The following NPY2R variants were observed in gnomAD, a reference collection of about 807,000 sequenced individuals.
The protein encoded by NPY2R is neuropeptide Y receptor type 2.
In NPY2R, 17 loss-of-function variants were observed where a neutral mutation model predicts 22.3. The ratio of observed to expected loss-of-function variants is 0.76; its 90% confidence interval spans 0.52 to 1.14. The LOEUF is 1.14. Among genes scored for constraint, NPY2R ranks in the 50% most tolerant of loss-of-function variants. The pLI, the probability that NPY2R is intolerant of heterozygous loss-of-function variation, is 0.00. For synonymous variants in NPY2R, 209 were observed against 183.4 expected (o/e 1.14, Z -1.13); for missense variants, 424 against 467.9 (o/e 0.91, Z 0.87).
chr4:155,197,397 C>T, the NPY2R span, among the ~76,000 whole-genome samples: 1 of 151,660 alleles, frequency 6.6e-6, no homozygotes, highest in African/African-American at 2.4e-5. Context: ...CTCTACTTTT[C>T]CTTATGTGCC....
Position 155,212,494 on chromosome 4 carries a change from C to T in NPY2R, c.-48-1398C>T, listed in dbSNP as rs555996450. On this transcript the variant is annotated intron_variant, in intron 1 of 1. Coordinates refer to ENST00000329476, the MANE Select transcript of NPY2R (RefSeq NM_000910.4). ...GTACTATCCTCTTGTCTTCACCCGG[C>T]AAAAACCCTAGTTCAAGACATAGGT... 2.0e-5 allele frequency among the ~76,000 whole-genome samples: 3 copies of T among 152,224 alleles called. No homozygotes were observed. The South Asian group carries it at 6.2e-4, about 32-fold the overall frequency.
At position 155,214,917 on chromosome 4, in the gene NPY2R, C is replaced by T. The variant is rs138080356; in HGVS notation, c.978C>T (p.Gly326=). The T allele has an allele frequency of 1.4e-3, 2,207 of 1,613,860 alleles. 1 individual carries two copies. The highest frequency in any genetic ancestry group is 1.6e-3 in the Non-Finnish European group (1,906 of 1,179,796). ...CTTTTGCCAATCCCCTTCTCTATGG[C>T]TGGATGAACAGCAACTACAGAAAGG... ...CSTFANPLLY[G]WMNSNYRKAF... The change falls in exon 2 of 2, where the codon GGC becomes GGT. Residue 326 remains glycine, a synonymous_variant. Coordinates refer to ENST00000329476, the MANE Select transcript of NPY2R (RefSeq NM_000910.4).
At chr4:155,187,545 G>A in the NPY2R span, among the ~76,000 whole-genome samples, 2 of 152,100 alleles carry the variant, frequency 1.3e-5, no homozygotes, top group Admixed American at 6.6e-5. Context: ...TACTTCAGGA[G>A]CAGCGTGAGA....
the NPY2R span, among the ~76,000 whole-genome samples, chr4:155,193,567 G>A: frequency 1.3e-5 from 2 of 151,932 alleles, no homozygotes; most frequent in Non-Finnish European, 2.9e-5. Context: ...CTTGTACCTA[G>A]AAGAGGAGAT....
Position 155,213,918 on chromosome 4 carries a change from G to A in NPY2R, c.-22G>A, listed in dbSNP as rs201478749. ...TTGTAGACTCTTGTGCTGGTTGCAGGCCAAGTGGACCTGTACTGAAAATGG... is the reference window on the plus strand; with the variant it reads ...TTGTAGACTCTTGTGCTGGTTGCAGACCAAGTGGACCTGTACTGAAAATGG... On this transcript the variant is annotated 5_prime_UTR_variant, in exon 2 of 2. Transcript: ENST00000329476. The A allele has an allele frequency of 4.4e-6, 7 of 1,605,932 alleles. No individual in the cohort carries two copies. Among genetic ancestry groups the A allele is most frequent in the Non-Finnish European group, 6.0e-6 (7 of 1,173,228 alleles).
chr4:155,182,607 AGTTCTCTTGG>A, the NPY2R span, among the ~76,000 whole-genome samples: 1 of 152,240 alleles, frequency 6.6e-6, no homozygotes, highest in East Asian at 1.9e-4. Flanking sequence ...ATCACAATGA[AGTTCTCTTGG>A]GTTTTAAACC....
chr4:155,190,219 C>T, the NPY2R span, among the ~76,000 whole-genome samples: 1 of 151,954 alleles, frequency 6.6e-6, no homozygotes, highest in Non-Finnish European at 1.5e-5. Flanking sequence ...TTCTGATGCT[C>T]CTAACTGCTA....
chr4:155,179,887 A>G, the NPY2R span, among the ~76,000 whole-genome samples: 3 of 151,950 alleles, frequency 2.0e-5, no homozygotes, highest in Admixed American at 6.6e-5. Flanking sequence ...TCATCTTGAA[A>G]TTTTCTCTTG....
chr4:155,191,698 C>T, the NPY2R span, among the ~76,000 whole-genome samples: 2 of 151,800 alleles, frequency 1.3e-5, no homozygotes, highest in African/African-American at 4.8e-5. Context: ...CTCAGTTTTC[C>T]TATGGAACAT....
chr4:155,188,768 G>A, the NPY2R span, among the ~76,000 whole-genome samples: 18 of 152,172 alleles, frequency 1.2e-4, no homozygotes, highest in South Asian at 2.1e-4. Context: ...GATCTTTGAA[G>A]CTGATCCTTT....
intron 1 of NPY2R, among the ~76,000 whole-genome samples, chr4:155,209,657 T>G (rs1729361212): frequency 6.6e-6 from 1 of 152,186 alleles, no homozygotes; most frequent in Non-Finnish European, 1.5e-5. Flanking sequence ...ATGTCTTGTA[T>G]GTAGCATTCT....
At chr4:155,174,066 T>A in the NPY2R span, 1 of 151,978 alleles carries the variant, frequency 6.6e-6, no homozygotes, top group Non-Finnish European at 1.5e-5. Flanking sequence ...TTTTTTGACA[T>A]CTGTAGGTGA....
At chr4:155,196,227 C>CT in the NPY2R span, among the ~76,000 whole-genome samples, 4 of 151,854 alleles carry the variant, frequency 2.6e-5, no homozygotes, top group African/African-American at 9.7e-5. Context: ...TCTGCTTCTT[C>CT]TTTTTTTCCC....
the NPY2R span, among the ~76,000 whole-genome samples, chr4:155,182,817 G>C: frequency 1.2e-3 from 178 of 152,154 alleles, no homozygotes; most frequent in African/African-American, 4.2e-3. Context: ...TTTTGAGATG[G>C]AGTCTCGCTG....
In NPY2R at chr4:155,208,754, T is replaced by A. The variant is rs1729336837; in HGVS notation, c.-364T>A. The A allele has an allele frequency of 6.6e-6, 1 of 152,256 alleles. No homozygotes were observed. 9.4% of individuals were successfully genotyped at this position (152,256 alleles called of 1,614,324 possible). On this transcript the variant is annotated 5_prime_UTR_variant, in exon 1 of 2. Coordinates refer to ENST00000329476, the MANE Select transcript of NPY2R (RefSeq NM_000910.4). This position sits in a 1 kb window ranked among gnomAD's most constrained non-coding sequence, Gnocchi z 5.6. ...TGTTTTCTTGTGTTTAAGGGTGGGGTTTGCCCCCCTCCCCACGCTCCCATC... is the reference window on the plus strand; with the variant it reads ...TGTTTTCTTGTGTTTAAGGGTGGGGATTGCCCCCCTCCCCACGCTCCCATC...
At chr4:155,206,143 C>T (rs1271927106), upstream of NPY2R, among the ~76,000 whole-genome samples, 1 of 152,134 alleles carries the variant, frequency 6.6e-6, no homozygotes, top group Non-Finnish European at 1.5e-5. Flanking sequence ...ATGTCATTGG[C>T]CCTAACCATG....
chr4:155,184,559 C>T, the NPY2R span, among the ~76,000 whole-genome samples: 2 of 152,172 alleles, frequency 1.3e-5, no homozygotes, highest in African/African-American at 2.4e-5. Context: ...AGTACACACT[C>T]TCTCTACCAG....
chr4:155,216,500 G>T lies in NPY2R; in HGVS notation c.*1415G>T, dbSNP rs1729520285. On this transcript the variant is annotated 3_prime_UTR_variant, in exon 2 of 2. Transcript: ENST00000329476. ...TATTTTTGTAAATATGACAGAATTTGTGAATATATTTTTAAAGCAAAAAAC... is the reference window on the plus strand; with the variant it reads ...TATTTTTGTAAATATGACAGAATTTTTGAATATATTTTTAAAGCAAAAAAC... 1 of 166,550 alleles carries T rather than the reference G, an allele frequency of 6.0e-6. No individual in the cohort carries two copies. The highest frequency in any genetic ancestry group is 2.4e-5 in the African/African-American group (1 of 41,434). The allele number at this position is 166,550 out of a possible 1,614,324, so 10.3% of individuals were successfully genotyped here.
chr4:155,183,505 T>C, the NPY2R span, among the ~76,000 whole-genome samples: 1 of 152,208 alleles, frequency 6.6e-6, no homozygotes, highest in South Asian at 2.1e-4. Context: ...GAACAAATGG[T>C]TTTCACTGTT....
Sources: allele counts gnomAD v4.1 joint callset (sites outside exome capture counted in the v4.1 genomes callset), GRCh38; gene constraint gnomAD v4.1.1; non-coding constraint Gnocchi (gnomAD v3.1); transcripts MANE v1.5; gene names NCBI Gene and HGNC (gene_info 2026-07-23, HGNC 2026-07-21).